Variants in DDC observed in about 807,000 individuals in gnomAD.
DDC encodes the protein aromatic-L-amino-acid decarboxylase.
DDC carries 43 observed loss-of-function variants against 60.0 expected under a neutral mutation model. The observed-to-expected ratio is 0.72, with a 90% confidence interval of 0.56 to 0.92. DDC has a LOEUF of 0.92. Among genes scored for constraint, DDC ranks in the 40% least tolerant of loss-of-function variants. The pLI is 0.00. For synonymous variants in DDC, 232 were observed against 234.6 expected, an observed-to-expected ratio of 0.99 and a Z score of 0.10; for missense variants, 573 against 620.2, an observed-to-expected ratio of 0.92 and a Z score of 0.81.
At chr7:50,466,239 C>T (rs2042392596) in intron 13 of DDC, among the ~76,000 whole-genome samples, 1 of 152,164 alleles carries the variant, frequency 6.6e-6, no homozygotes, top group Admixed American at 6.5e-5. Context: ...CCTGTAATCC[C>T]AGCACTTTGA....
intron 1 of DDC, among the ~76,000 whole-genome samples, chr7:50,555,996 T>C (rs761802920): frequency 1.3e-5 from 2 of 152,170 alleles, no homozygotes; most frequent in Non-Finnish European, 2.9e-5. Flanking sequence ...GTAATACCAG[T>C]TTCTCCTAGG....
At chr7:50,497,468 C>T (rs543131138) in intron 8 of DDC, among the ~76,000 whole-genome samples, 101 of 152,294 alleles carry the variant, frequency 6.6e-4, no homozygotes, top group Admixed American at 1.6e-3. Flanking sequence ...CTCAGGCCAG[C>T]CGTGGGGAGG....
At chr7:50,482,662 G>A (rs2042795684) in intron 9 of DDC, among the ~76,000 whole-genome samples, 2 of 152,074 alleles carry the variant, frequency 1.3e-5, no homozygotes, top group South Asian at 4.1e-4. Context: ...CTAATATCGA[G>A]TCTTCTTTAT....
At chr7:50,555,319 C>T (rs73342846) in intron 1 of DDC, among the ~76,000 whole-genome samples, 16,923 of 152,096 alleles carry the variant, frequency 0.11, 1,014 homozygotes, top group Middle Eastern at 0.14. Context: ...GGAAACGAGA[C>T]CCAGGACAGG....
intron 6 of DDC, among the ~76,000 whole-genome samples, chr7:50,525,561 C>T (rs570621415): frequency 6.6e-4 from 101 of 152,110 alleles, no homozygotes; most frequent in Middle Eastern, 3.4e-3. Flanking sequence ...GTCAGGGGTT[C>T]GAGACCAGCT....
At chr7:50,498,935 G>A (rs1429175019) in intron 8 of DDC, among the ~76,000 whole-genome samples, 1 of 152,154 alleles carries the variant, frequency 6.6e-6, no homozygotes, top group Non-Finnish European at 1.5e-5. Context: ...GATTGAAATG[G>A]AACTGTAAGT....
chr7:50,507,780 G>A (rs145913262), intron 6 of DDC, among the ~76,000 whole-genome samples: 3 of 152,288 alleles, frequency 2.0e-5, no homozygotes, highest in East Asian at 1.9e-4. Context: ...AGTGGCCTAG[G>A]TTGAGAATAG....
intron 7 of DDC, among the ~76,000 whole-genome samples, chr7:50,500,366 C>T (rs955314201): frequency 6.6e-6 from 1 of 152,154 alleles, no homozygotes; most frequent in Non-Finnish European, 1.5e-5. Flanking sequence ...CCTCCAATAC[C>T]ATCACCTTAG....
intron 6 of DDC, among the ~76,000 whole-genome samples, chr7:50,506,905 T>C (rs1298220137): frequency 1.3e-5 from 2 of 152,232 alleles, no homozygotes; most frequent in Non-Finnish European, 2.9e-5. Context: ...TTCTCCGCAT[T>C]TGTTTCATTT....
intron 1 of DDC, among the ~76,000 whole-genome samples, chr7:50,553,942 AC>A (rs1322413794): frequency 6.6e-6 from 1 of 152,194 alleles, no homozygotes; most frequent in Non-Finnish European, 1.5e-5. Flanking sequence ...CCTCAAAAAA[AC>A]ATCCTCTAAG....
intron 9 of DDC, among the ~76,000 whole-genome samples, chr7:50,481,172 A>G (rs1469170695): frequency 6.6e-6 from 1 of 152,214 alleles, no homozygotes; most frequent in Non-Finnish European, 1.5e-5. Context: ...GGTGAGAGAG[A>G]GGCTGGATTT....
chr7:50,503,712 CAACAT>C (rs1353545763), intron 7 of DDC, among the ~76,000 whole-genome samples: 1 of 152,190 alleles, frequency 6.6e-6, no homozygotes, highest in East Asian at 1.9e-4. Flanking sequence ...TCAACAGGGC[CAACAT>C]AACCTGCAAT....
chr7:50,548,039 C>T (rs1003959448), intron 1 of DDC, among the ~76,000 whole-genome samples: 5 of 152,122 alleles, frequency 3.3e-5, no homozygotes, highest in African/African-American at 7.2e-5. Flanking sequence ...GATCTATGGT[C>T]GGCAATCTTT....
intron 6 of DDC, among the ~76,000 whole-genome samples, chr7:50,510,163 G>T (rs999259114): frequency 6.6e-6 from 1 of 152,024 alleles, no homozygotes; most frequent in African/African-American, 2.4e-5. Context: ...TTTCAGTAGA[G>T]AAGGGGTTTC....
chr7:50,503,446 T>C (rs781778335), intron 7 of DDC, among the ~76,000 whole-genome samples: 13 of 152,328 alleles, frequency 8.5e-5, no homozygotes, highest in Admixed American at 2.0e-4. Context: ...GATCTCTGAA[T>C]GAGGAAGGGA....
At chr7:50,465,671 C>A (rs991861734) in intron 13 of DDC, among the ~76,000 whole-genome samples, 2 of 152,016 alleles carry the variant, frequency 1.3e-5, no homozygotes, top group Admixed American at 6.5e-5. Flanking sequence ...CACGCCCAGC[C>A]CAAATGTTAA....
Position 50,506,543 on chromosome 7 carries a change from A to G in DDC, c.715-2484T>C, listed in dbSNP as rs372400533. ...GGTGAACTTGCAAGTGAGTCCTTTA[A>G]GAGCTCTAGGAAACCCCTCTCCCTG... On this transcript the variant is annotated intron_variant, in intron 6 of 14. Transcript: ENST00000444124. Among the ~76,000 whole-genome samples, 16 of 152,350 alleles carry G rather than the reference A, an allele frequency of 1.1e-4. No individual in the cohort carries two copies. In the East Asian group the frequency reaches 1.2e-3, roughly 11 times the overall value.
chr7:50,495,334 G>T lies in DDC; in HGVS notation c.944+16C>A. ...CCTCGGACAGGCAACTGACATCTGT[G>T]AGCAGGGAAACTTACCACATGGCAG... On this transcript the variant is annotated intron_variant, in intron 9 of 14. Transcript: ENST00000444124. 2 of 1,602,628 alleles carry T rather than the reference G, an allele frequency of 1.2e-6. No homozygotes were observed. Among genetic ancestry groups the T allele is most frequent in the Non-Finnish European group, 1.7e-6 (2 of 1,170,096 alleles).
intron 1 of DDC, among the ~76,000 whole-genome samples, chr7:50,564,786 C>T (rs1044454782): frequency 2.0e-5 from 3 of 152,158 alleles, no homozygotes; most frequent in Admixed American, 2.0e-4. Flanking sequence ...TCTAAGTAAA[C>T]TATAACATAC....
Sources: allele counts gnomAD v4.1 joint callset (sites outside exome capture counted in the v4.1 genomes callset), GRCh38; gene constraint gnomAD v4.1.1; transcripts MANE v1.5; gene names NCBI Gene and HGNC (gene_info 2026-07-23, HGNC 2026-07-21).